MTR: variants seen among roughly 807,000 people sequenced by gnomAD.
The protein encoded by MTR is methionine synthase.
In MTR, 84 loss-of-function variants were observed where a neutral mutation model predicts 154.8. That is an observed-to-expected ratio of 0.54 (90% CI 0.45 to 0.65). MTR has a LOEUF of 0.65. Ranked by LOEUF, MTR falls within the 30% of genes least tolerant of loss-of-function variation. The probability of loss-of-function intolerance (pLI) is 0.00; values close to 1 mark genes in which losing one functional copy is unlikely to be tolerated. For synonymous variants in MTR, 554 were observed against 553.9 expected (o/e 1.00, Z 0.00); for missense variants, 1,275 against 1,570.2 (o/e 0.81, Z 3.18).
At chr1:236,892,362 C>CAG (rs1490319814) in intron 29 of MTR, among the ~76,000 whole-genome samples, 1 of 151,968 alleles carries the variant, frequency 6.6e-6, no homozygotes, top group Non-Finnish European at 1.5e-5. Context: ...TGTACTTCTT[C>CAG]AGCCAGCTAC....
chr1:236,877,803 C>G (rs1170331055), intron 24 of MTR, among the ~76,000 whole-genome samples: 1 of 152,114 alleles, frequency 6.6e-6, no homozygotes, highest in Non-Finnish European at 1.5e-5. Context: ...TTAGCTATTG[C>G]CACATAGTTT....
chr1:236,840,003 G>A (rs1328731054), intron 15 of MTR, among the ~76,000 whole-genome samples: 2 of 152,200 alleles, frequency 1.3e-5, no homozygotes, highest in African/African-American at 2.4e-5. Flanking sequence ...GTTGTCAACT[G>A]GGTGGGGTAG....
At chr1:236,822,187 A>G (rs1450102617) in intron 8 of MTR, among the ~76,000 whole-genome samples, 1 of 152,018 alleles carries the variant, frequency 6.6e-6, no homozygotes, top group Non-Finnish European at 1.5e-5. Flanking sequence ...TAAACTTGAA[A>G]TATGTTTTCA....
chr1:236,829,600 G>T (rs1438988800), intron 12 of MTR, among the ~76,000 whole-genome samples: 2 of 152,200 alleles, frequency 1.3e-5, no homozygotes, highest in Non-Finnish European at 2.9e-5. Flanking sequence ...TTTTCAGGTT[G>T]ATACTAGTTA....
chr1:236,831,324 C>T (rs1662598674), intron 12 of MTR, among the ~76,000 whole-genome samples: 2 of 152,174 alleles, frequency 1.3e-5, no homozygotes, highest in Admixed American at 1.3e-4. Flanking sequence ...TGGCCAGTGG[C>T]AGGGGAGATG....
chr1:236,835,456 G>A (rs1223868225), intron 13 of MTR, 91 bp from the exon 14 acceptor site: 29 of 1,513,686 alleles, frequency 1.9e-5, no homozygotes, highest in Non-Finnish European at 2.7e-5. Flanking sequence ...GTAATTTGAA[G>A]GATTGCTGGG....
In MTR at chr1:236,895,295, G is replaced by A. The variant is rs1029587629; in HGVS notation, c.3406-63G>A. Reference sequence around the variant, plus strand: ...TCATGGTTCTAATTCAGGGGGTGGAGGCTGCACTGATGCTGTGAGCCCCTG... The same window carrying A: ...TCATGGTTCTAATTCAGGGGGTGGAAGCTGCACTGATGCTGTGAGCCCCTG... On this transcript the variant is annotated intron_variant, in intron 30 of 32. Transcript: ENST00000366577. 7 of 1,528,062 alleles carry A rather than the reference G, an allele frequency of 4.6e-6. No homozygotes were observed. The African/African-American group carries it at 9.6e-5, about 21-fold the overall frequency. The allele number at this position is 1,528,062 out of a possible 1,614,324, so 94.7% of individuals were successfully genotyped here.
At chr1:236,816,613 A>C in intron 8 of MTR, 70 bp downstream of exon 8, 1 of 1,257,928 alleles carries the variant, frequency 7.9e-7, no homozygotes, top group African/African-American at 1.5e-5. Flanking sequence ...GTGGAGTGTG[A>C]CCTGGGAGGG....
At position 236,865,903 on chromosome 1, in the gene MTR, A is replaced by G. The variant is rs148549652; in HGVS notation, c.2405+2349A>G. Among the ~76,000 whole-genome samples the G allele has an allele frequency of 2.5e-3, 383 of 150,512 alleles. 4 individuals are homozygous for G. The highest frequency in any genetic ancestry group is 8.3e-3 in the African/African-American group (340 of 40,864). On this transcript the variant is annotated intron_variant, in intron 22 of 32. Coordinates refer to ENST00000366577, the MANE Select transcript of MTR (RefSeq NM_000254.3). ...TGCCTGTTATTGTATTTCTCCTTTTATAGATGAGAAAACTTAGGCTTAGAG... is the reference window on the plus strand; with the variant it reads ...TGCCTGTTATTGTATTTCTCCTTTTGTAGATGAGAAAACTTAGGCTTAGAG...
chr1:236,851,288 T>C (rs1392633304), intron 16 of MTR, among the ~76,000 whole-genome samples: 1 of 152,236 alleles, frequency 6.6e-6, no homozygotes, highest in Non-Finnish European at 1.5e-5. Context: ...ACAGATGTCC[T>C]TTTTGCAGTC....
intron 22 of MTR, among the ~76,000 whole-genome samples, chr1:236,865,528 T>A (rs1213235399): frequency 6.6e-6 from 1 of 152,226 alleles, no homozygotes. Context: ...TTTCCTGGCT[T>A]TTTATCATTG....
chr1:236,807,100 C>T (rs991701915), intron 3 of MTR, among the ~76,000 whole-genome samples: 2 of 152,114 alleles, frequency 1.3e-5, no homozygotes, highest in Non-Finnish European at 2.9e-5. Flanking sequence ...TATATATACA[C>T]AGAAGTTGAA....
chr1:236,811,277 C>T (rs1163429984), intron 5 of MTR, among the ~76,000 whole-genome samples: 1 of 152,184 alleles, frequency 6.6e-6, no homozygotes, highest in Non-Finnish European at 1.5e-5. Flanking sequence ...CAGGTCCCCT[C>T]TCACAACACG....
chr1:236,834,085 A>G (rs1662768336), intron 13 of MTR, among the ~76,000 whole-genome samples: 1 of 152,228 alleles, frequency 6.6e-6, no homozygotes, highest in African/African-American at 2.4e-5. Context: ...AAACCCTTCA[A>G]GAACCAGGAT....
intron 15 of MTR, among the ~76,000 whole-genome samples, chr1:236,844,521 G>C (rs1214983260): frequency 2.0e-5 from 3 of 150,378 alleles, no homozygotes. Context: ...GTGACAACAT[G>C]TTTTTGTAAG....
At chr1:236,826,661 A>G (rs1362967144) in intron 10 of MTR, among the ~76,000 whole-genome samples, 168 bp from the exon 11 acceptor site, 1 of 152,200 alleles carries the variant, frequency 6.6e-6, no homozygotes, top group African/African-American at 2.4e-5. Flanking sequence ...CTTTTATCCT[A>G]TGTCTAGGGC....
chr1:236,834,558 A>G (rs1220374312), intron 13 of MTR, among the ~76,000 whole-genome samples: 3 of 152,160 alleles, frequency 2.0e-5, no homozygotes, highest in African/African-American at 4.8e-5. Flanking sequence ...CTTGTAGCAT[A>G]TGCCATAGGG....
At chr1:236,836,243 G>C (rs1336925058) in intron 14 of MTR, among the ~76,000 whole-genome samples, 1 of 151,928 alleles carries the variant, frequency 6.6e-6, no homozygotes, top group East Asian at 1.9e-4. Flanking sequence ...CTGCCGTTAA[G>C]TTTGTTATGA....
In MTR at chr1:236,891,127, T is replaced by C. The variant is rs1344956011; in HGVS notation, c.3008-6T>C. 2 of 1,614,148 alleles carry C rather than the reference T, an allele frequency of 1.2e-6. No homozygotes were observed. Among genetic ancestry groups the C allele is most frequent in the Non-Finnish European group, 8.5e-7 (1 of 1,179,998 alleles). On this transcript the variant is annotated splice_polypyrimidine_tract_variant and splice_region_variant and intron_variant, in intron 28 of 32. Transcript: ENST00000366577. ...TAAGTGAATTCTAATTCTGTTTTTC[T>C]AATAGGTGGAGAGGCCAGGAAGGTC...
Sources: gnomAD v4.1 joint callset for allele counts (sites outside exome capture counted in the v4.1 genomes callset) on GRCh38, gnomAD v4.1.1 for gene constraint, MANE v1.5 for transcripts, NCBI Gene and HGNC (gene_info 2026-07-23, HGNC 2026-07-21) for gene names.